Variants in CRTAC1 observed in about 807,000 individuals in gnomAD.
CRTAC1 encodes acidic secreted protein in cartilage.
CRTAC1 carries 37 observed loss-of-function variants against 67.8 expected under a neutral mutation model. The ratio of observed to expected loss-of-function variants is 0.55; its 90% CI spans 0.42 to 0.72. The LOEUF (loss-of-function observed/expected upper bound fraction) is 0.72. CRTAC1 is among the 30% of genes least tolerant of loss of function. The probability of loss-of-function intolerance (pLI) is 0.00; values close to 1 mark genes in which losing one functional copy is unlikely to be tolerated. For synonymous variants in CRTAC1, 348 were observed against 371.0 expected (o/e 0.94, Z 0.71); for missense variants, 780 against 931.6 (o/e 0.84, Z 2.12).
intron 2 of CRTAC1, among the ~76,000 whole-genome samples, chr10:97,965,070 G>A (rs2051593459): frequency 6.6e-6 from 1 of 152,138 alleles, no homozygotes. Context: ...CTGATCAAAT[G>A]AGCACATGAC....
At chr10:98,013,807 T>G (rs948371682) in intron 1 of CRTAC1, among the ~76,000 whole-genome samples, 2 of 152,240 alleles carry the variant, frequency 1.3e-5, no homozygotes, top group African/African-American at 4.8e-5. Context: ...GACAAGCTTT[T>G]CAGCAGGGTT....
intron 2 of CRTAC1, among the ~76,000 whole-genome samples, chr10:97,972,048 A>C (rs377723130): frequency 2.0e-5 from 3 of 152,218 alleles, no homozygotes; most frequent in African/African-American, 7.2e-5. Flanking sequence ...TTCTACTGGC[A>C]GACATCCTTG....
Position 97,974,714 on chromosome 10 carries a change from C to T in CRTAC1, c.224+36424G>A, listed in dbSNP as rs534572174. 3.5e-4 allele frequency among the ~76,000 whole-genome samples: 54 copies of T among 152,254 alleles called. 1 individual carries two copies. Among genetic ancestry groups the T allele is most frequent in the Admixed American group, 3.1e-3 (48 of 15,294 alleles). On this transcript the variant is annotated intron_variant, in intron 2 of 14. Coordinates refer to ENST00000370597, the MANE Select transcript of CRTAC1 (RefSeq NM_018058.7). ...CGCTCGGGGTCACCCCTGCCTCTGC[C>T]GGGAGCCCGGAGAAGCTGGACTCAG...
At chr10:97,991,426 A>G (rs1034000869) in intron 2 of CRTAC1, among the ~76,000 whole-genome samples, 1 of 150,738 alleles carries the variant, frequency 6.6e-6, no homozygotes, top group Admixed American at 6.6e-5. Context: ...AAAATAATAA[A>G]TAAATAAATA....
chr10:97,948,498 C>A (rs985103753), intron 2 of CRTAC1, among the ~76,000 whole-genome samples: 1 of 152,096 alleles, frequency 6.6e-6, no homozygotes, highest in African/African-American at 2.4e-5. Context: ...AGGGTTTCAC[C>A]AAGCTTTGGG....
At chr10:97,935,797 C>T (rs556917217) in intron 3 of CRTAC1, among the ~76,000 whole-genome samples, 18 of 152,206 alleles carry the variant, frequency 1.2e-4, no homozygotes, top group African/African-American at 2.6e-4. Context: ...CTTCCGATCA[C>T]GGCATAACCC....
At chr10:97,883,451 T>C (rs1164112369) in intron 12 of CRTAC1, among the ~76,000 whole-genome samples, 1 of 152,178 alleles carries the variant, frequency 6.6e-6, no homozygotes, top group African/African-American at 2.4e-5. Flanking sequence ...GGCAGGGGAC[T>C]AAAAACGTAA....
At chr10:97,995,159 G>C (rs747607408) in intron 2 of CRTAC1, among the ~76,000 whole-genome samples, 2 of 152,196 alleles carry the variant, frequency 1.3e-5, no homozygotes, top group Non-Finnish European at 2.9e-5. Flanking sequence ...CCAGTGGATG[G>C]TATCATCTGT....
At chr10:97,971,750 A>G (rs1387680447) in intron 2 of CRTAC1, among the ~76,000 whole-genome samples, 1 of 152,226 alleles carries the variant, frequency 6.6e-6, no homozygotes, top group Non-Finnish European at 1.5e-5. Flanking sequence ...TGGTTTATTT[A>G]TATACCTTGG....
intron 14 of CRTAC1, chr10:97,879,865 T>TGGGGGGGGGGAGGGGGG: frequency 8.8e-6 from 2 of 226,630 alleles, no homozygotes; most frequent in Non-Finnish European, 1.7e-5. Context: ...GGGGACGGGG[T>TGGGGGGGGGGAGGGGGG]GGGGGTGGAG....
In CRTAC1 at chr10:97,952,373, T is replaced by TA. The variant is rs112441992; in HGVS notation, c.225-16008dup. On this transcript the variant is annotated intron_variant, in intron 2 of 14. Transcript: ENST00000370597. The stretch of plus-strand genomic sequence containing the variant: ...TCTCAAAAAAAAATAAATAAATAAA[T>TA]AAATAAATAAAAAAATTAGTGAGGC... Among the ~76,000 whole-genome samples, 43 of 144,268 alleles carry TA rather than the reference T, an allele frequency of 3.0e-4. 1 individual carries two copies. Among genetic ancestry groups the TA allele is most frequent in the African/African-American group, 1.1e-3 (43 of 38,856 alleles). 94.6% of individuals were successfully genotyped at this position (144,268 alleles called of 152,430 possible). A position where few individuals can be genotyped will look rare whatever the true frequency, so the allele number is the denominator to read the frequency against.
chr10:97,953,191 G>A (rs2051387978), intron 2 of CRTAC1, among the ~76,000 whole-genome samples: 1 of 152,158 alleles, frequency 6.6e-6, no homozygotes, highest in South Asian at 2.1e-4. Flanking sequence ...CAGTTCCCAA[G>A]ACACAGGTCA....
chr10:97,880,335 A>T lies in CRTAC1; in HGVS notation c.1733T>A (p.Val578Asp), dbSNP rs985924234. 6.2e-7 allele frequency: 1 copy of T among 1,614,060 alleles called. No individual in the cohort carries two copies. The highest frequency in any genetic ancestry group is 8.5e-7 in the Non-Finnish European group (1 of 1,180,030). Residue 578 changes from valine to aspartate, a missense_variant, in exon 14 of 15, where the codon GTC becomes GAC. Physicochemically the swap from Val to Asp is radical, Grantham distance 152 (BLOSUM62 -3). Coordinates refer to ENST00000370597, the MANE Select transcript of CRTAC1 (RefSeq NM_018058.7). The part of the protein sequence containing the change: ...FVCPRDKPVC[V>D]NTYGSYRCRT... ...GCACCTGTAGCTTCCATAGGTGTTG[A>T]CACATACGGGCTTGTCTCGAGGGCA...
intron 3 of CRTAC1, among the ~76,000 whole-genome samples, chr10:97,925,856 C>T (rs568725073): frequency 7.9e-5 from 12 of 152,152 alleles, no homozygotes; most frequent in Admixed American, 3.9e-4. Flanking sequence ...AGGTAAGAAG[C>T]GTGTGTAAGT....
At chr10:97,875,229 TCA>T (rs2136532123) in intron 14 of CRTAC1, among the ~76,000 whole-genome samples, 1 of 152,384 alleles carries the variant, frequency 6.6e-6, no homozygotes, top group Non-Finnish European at 1.5e-5. Flanking sequence ...TTTCTGAGTC[TCA>T]GTTTCTCTGG....
intron 5 of CRTAC1, among the ~76,000 whole-genome samples, chr10:97,911,941 T>G (rs975504403): frequency 6.6e-6 from 1 of 152,158 alleles, no homozygotes; most frequent in African/African-American, 2.4e-5. Flanking sequence ...ATCAATTAAT[T>G]CTTTTATAAT....
Position 97,961,028 on chromosome 10 carries a change from C to T in CRTAC1, c.225-24662G>A, listed in dbSNP as rs142213536. On this transcript the variant is annotated intron_variant, in intron 2 of 14. Coordinates refer to ENST00000370597, the MANE Select transcript of CRTAC1 (RefSeq NM_018058.7). ...ATTTTCCTGTTCTCTTCCCTGGCTG[C>T]CCCATTTTCCAGGACCATCGTGTCA... Among the ~76,000 whole-genome samples the T allele has an allele frequency of 1.3e-3, 204 of 152,266 alleles. 1 individual carries two copies. Among genetic ancestry groups the T allele is most frequent in the African/African-American group, 4.5e-3 (186 of 41,528 alleles).
At chr10:97,991,157 C>G (rs531935536) in intron 2 of CRTAC1, among the ~76,000 whole-genome samples, 1 of 148,320 alleles carries the variant, frequency 6.7e-6, no homozygotes, top group Admixed American at 6.7e-5. Flanking sequence ...CATGCACTCC[C>G]AGCTCAGGAG....
At position 98,030,084 on chromosome 10, in the gene CRTAC1, C is replaced by T. The variant is rs1172373927; in HGVS notation, c.24+365G>A. Reference sequence around the variant, plus strand: ...AGACTCTCCCGATAGCCCGGCACATCCCTCCTCACCCGCTCCGCCCCCTCC... The same window carrying T: ...AGACTCTCCCGATAGCCCGGCACATTCCTCCTCACCCGCTCCGCCCCCTCC... On this transcript the variant is annotated intron_variant, in intron 1 of 14. Transcript: ENST00000370597. The surrounding 1 kb of genome is among the most constrained non-coding windows in gnomAD (Gnocchi z 4.2). 6.6e-6 allele frequency among the ~76,000 whole-genome samples: 1 copy of T among 152,118 alleles called. No individual in the cohort carries two copies. Among genetic ancestry groups the T allele is most frequent in the African/African-American group, 2.4e-5 (1 of 41,452 alleles).
Sources: gnomAD v4.1 joint callset for allele counts (sites outside exome capture counted in the v4.1 genomes callset) on GRCh38, gnomAD v4.1.1 for gene constraint, Gnocchi (gnomAD v3.1) non-coding constraint, MANE v1.5 for transcripts, NCBI Gene and HGNC (gene_info 2026-07-23, HGNC 2026-07-21) for gene names.